Variants in SIK3 observed in about 807,000 individuals in gnomAD.
The protein encoded by SIK3 is SIK family kinase 3.
A neutral mutation model predicts 144.2 loss-of-function variants in SIK3; 28 were observed. The ratio of observed to expected loss-of-function variants is 0.19; its 90% CI spans 0.14 to 0.27. The LOEUF (loss-of-function observed/expected upper bound fraction) is 0.27, where lower values mean the gene tolerates loss of function less well. SIK3 is among the 10% of genes least tolerant of loss of function. SIK3 has a pLI of 1.00. For synonymous variants in SIK3, 686 were observed against 676.3 expected (o/e 1.01, Z -0.22); for missense variants, 1,319 against 1,776.0 (o/e 0.74, Z 4.62).
intron 1 of SIK3, among the ~76,000 whole-genome samples, chr11:116,983,326 G>A (rs564912989): frequency 6.6e-6 from 1 of 151,696 alleles, no homozygotes; most frequent in East Asian, 1.9e-4. Flanking sequence ...GAGGTCAGGA[G>A]TTCGAGACAA....
intron 1 of SIK3, among the ~76,000 whole-genome samples, chr11:117,020,257 A>G (rs894321816): frequency 2.0e-5 from 3 of 150,966 alleles, no homozygotes; most frequent in Admixed American, 6.6e-5. Flanking sequence ...ACACATACAT[A>G]TATCTCCATG....
At chr11:116,952,411 C>A (rs1334036142) in intron 3 of SIK3, among the ~76,000 whole-genome samples, 1 of 152,132 alleles carries the variant, frequency 6.6e-6, no homozygotes, top group Non-Finnish European at 1.5e-5. Flanking sequence ...AAAGAAAAAA[C>A]CTTATCTAGA....
At chr11:116,984,521 T>C (rs1396684865) in intron 1 of SIK3, among the ~76,000 whole-genome samples, 2 of 152,204 alleles carry the variant, frequency 1.3e-5, no homozygotes, top group Admixed American at 6.5e-5. Context: ...CAGAATTTGC[T>C]ATGAATAAAC....
At chr11:116,875,638 T>G in intron 9 of SIK3, 187 bp from the exon 10 acceptor site, 1 of 802,234 alleles carries the variant, frequency 1.2e-6, no homozygotes, top group Non-Finnish European at 1.9e-6. Context: ...CATGATTTGC[T>G]ATTTCTTCAA....
chr11:117,090,166 A>G (rs538775610), intron 1 of SIK3, among the ~76,000 whole-genome samples: 37 of 152,306 alleles, frequency 2.4e-4, no homozygotes, highest in South Asian at 1.4e-3. Context: ...GCCCATTTGA[A>G]TGTATATAAT....
chr11:116,927,150 T>A (rs1463833136), intron 4 of SIK3, 69 bp downstream of exon 4: 2 of 1,128,240 alleles, frequency 1.8e-6, no homozygotes, highest in African/African-American at 1.6e-5. Flanking sequence ...AAACAGATAA[T>A]CCCTTGCTTA....
At chr11:117,013,135 C>A (rs1394480897) in intron 1 of SIK3, among the ~76,000 whole-genome samples, 2 of 152,082 alleles carry the variant, frequency 1.3e-5, no homozygotes. Context: ...TATTTAATAC[C>A]TTCCCCCTAC....
intron 1 of SIK3, among the ~76,000 whole-genome samples, chr11:117,050,148 G>A (rs1953166152): frequency 6.6e-6 from 1 of 151,984 alleles, no homozygotes; most frequent in Non-Finnish European, 1.5e-5. Context: ...AATAAGCCGG[G>A]CATGGTAGCA....
At chr11:116,961,879 T>C (rs1383010209) in intron 1 of SIK3, among the ~76,000 whole-genome samples, 1 of 152,196 alleles carries the variant, frequency 6.6e-6, no homozygotes, top group Non-Finnish European at 1.5e-5. Context: ...AATTGGCATG[T>C]GGTAGGAAAA....
chr11:117,085,218 G>A (rs2368149), intron 1 of SIK3, among the ~76,000 whole-genome samples: 11,022 of 151,966 alleles, frequency 0.073, 490 homozygotes, highest in Middle Eastern at 0.11. Context: ...CTGGGCTCAA[G>A]CAATCCTCCC....
At position 117,098,402 on chromosome 11, in the gene SIK3, G is replaced by A. The variant is rs1468378121; in HGVS notation, c.14C>T (p.Ala5Val). The A allele has an allele frequency of 8.7e-7, 1 of 1,151,136 alleles. No individual in the cohort carries two copies. The highest frequency in any genetic ancestry group is 4.8e-5 in the Admixed American group (1 of 20,976). The allele number at this position is 1,151,136 out of a possible 1,614,324, so 71.3% of individuals were successfully genotyped here. A position where few individuals can be genotyped will look rare whatever the true frequency, so the allele number is the denominator to read the frequency against. The change falls in exon 1 of 25, where the codon GCG (alanine) becomes GTG (valine). Residue 5 changes from alanine (A) to valine (V), a missense_variant. By Grantham distance (64) the Ala-to-Val change is moderately conservative. This residue lies in a region of SIK3 where 114 missense variants were observed against 116.2 expected (regional missense o/e 0.98). Coordinates refer to ENST00000445177, the MANE Select transcript of SIK3 (RefSeq NM_001366686.3). MAAA[A>V]ASGAGGAAGA... The stretch of plus-strand genomic sequence containing the variant: ...GGCAGCCCCGCCAGCTCCGCTCGCC[G>A]CCGCCGCCGCCATCTTGTTGTGCAG...
chr11:117,082,651 G>A lies in SIK3; in HGVS notation c.273+15492C>T, dbSNP rs182272736. On this transcript the variant is annotated intron_variant, in intron 1 of 24. Transcript: ENST00000445177. The stretch of plus-strand genomic sequence containing the variant: ...GAAGAAATAAGCAGTGACTGCTAAT[G>A]GGTACCATGCTTCTTTTAAGGATAA... 1.6e-3 allele frequency among the ~76,000 whole-genome samples: 237 copies of A among 152,208 alleles called. 1 individual carries two copies. Among genetic ancestry groups the A allele is most frequent in the Non-Finnish European group, 2.8e-3 (192 of 68,014 alleles).
chr11:116,968,375 C>G (rs995447888), intron 1 of SIK3, among the ~76,000 whole-genome samples: 13 of 152,294 alleles, frequency 8.5e-5, no homozygotes, highest in East Asian at 3.9e-4. Context: ...AACTCCTAAC[C>G]TTGTGATCCA....
At chr11:116,912,704 C>CA (rs1486910611) in intron 4 of SIK3, among the ~76,000 whole-genome samples, 4 of 152,126 alleles carry the variant, frequency 2.6e-5, no homozygotes, top group African/African-American at 9.7e-5. Context: ...ACAACCTCAC[C>CA]AAAAATCACT....
intron 1 of SIK3, among the ~76,000 whole-genome samples, chr11:117,013,315 ACCTCGTCTC>A (rs752123612): frequency 1.3e-5 from 2 of 151,988 alleles, no homozygotes; most frequent in African/African-American, 4.8e-5. Context: ...ACATGGTGAA[ACCTCGTCTC>A]CACTAAAAGT....
At chr11:116,935,805 G>T (rs1476676516) in intron 3 of SIK3, among the ~76,000 whole-genome samples, 1 of 152,148 alleles carries the variant, frequency 6.6e-6, no homozygotes, top group East Asian at 1.9e-4. Flanking sequence ...GTCTTCCAAA[G>T]GGAACAGCTC....
intron 3 of SIK3, among the ~76,000 whole-genome samples, chr11:116,932,958 G>C (rs1431903736): frequency 6.6e-6 from 1 of 151,790 alleles, no homozygotes; most frequent in Non-Finnish European, 1.5e-5. Flanking sequence ...TTATTTAGAG[G>C]TAGGGTTTCA....
chr11:116,887,059 C>T (rs933799655), intron 6 of SIK3, among the ~76,000 whole-genome samples: 6 of 152,072 alleles, frequency 3.9e-5, no homozygotes, highest in African/African-American at 1.4e-4. Flanking sequence ...CCCTTTTACA[C>T]CTAAAAGTCA....
chr11:116,893,374 T>C (rs1945231492), intron 6 of SIK3, among the ~76,000 whole-genome samples: 1 of 151,998 alleles, frequency 6.6e-6, no homozygotes, highest in Non-Finnish European at 1.5e-5. Flanking sequence ...CTAAAGCTGC[T>C]CTAACATATA....
Sources: allele counts gnomAD v4.1 joint callset (sites outside exome capture counted in the v4.1 genomes callset), GRCh38; gene constraint gnomAD v4.1.1; regional missense constraint gnomAD v4.1.1; transcripts MANE v1.5; gene names NCBI Gene and HGNC (gene_info 2026-07-23, HGNC 2026-07-21).